Variants in AGBL2 observed in about 807,000 individuals in gnomAD.
AGBL2 encodes the protein cytosolic carboxypeptidase 2.
AGBL2 carries 87 observed loss-of-function variants against 103.0 expected under a neutral mutation model. The observed-to-expected ratio is 0.84, with a 90% CI of 0.71 to 1.01. The LOEUF (loss-of-function observed/expected upper bound fraction) is 1.01, where lower values mean the gene tolerates loss of function less well. Ranked by LOEUF, AGBL2 falls within the 50% of genes least tolerant of loss-of-function variation. AGBL2 has a pLI of 0.00. For missense variants in AGBL2, 904 were observed against 1,023.5 expected (o/e 0.88, Z 1.59); for synonymous variants, 335 against 356.7 (o/e 0.94, Z 0.69).
intron 7 of AGBL2, among the ~76,000 whole-genome samples, chr11:47,701,869 G>C (rs1049649128): frequency 6.6e-6 from 1 of 151,784 alleles, no homozygotes; most frequent in Non-Finnish European, 1.5e-5. Flanking sequence ...AGCTACTTGG[G>C]AGGCTGTGGC....
intron 3 of AGBL2, among the ~76,000 whole-genome samples, chr11:47,711,921 A>G (rs536645706): frequency 6.6e-6 from 1 of 152,200 alleles, no homozygotes; most frequent in East Asian, 1.9e-4. Context: ...TACAAAAAAA[A>G]TTTTTAAATT....
In AGBL2 at chr11:47,685,996, C is replaced by A; in HGVS notation, c.1685G>T (p.Arg562Leu). The A allele has an allele frequency of 6.2e-7, 1 of 1,613,926 alleles. No homozygotes were observed. Among genetic ancestry groups the A allele is most frequent in the Non-Finnish European group, 8.5e-7 (1 of 1,179,904 alleles). ...LLYCDFHGHS[R>L]KNNIFLYGCN... ...GCCATACAGGAAGATATTATTCTTA[C>A]GACTGTGGCCATGGAAATCACAATA... The change falls in exon 11 of 19, where the codon CGT (arginine) becomes CTT (leucine). Residue 562 changes from arginine (R) to leucine (L), a missense_variant. Transcript: ENST00000525123.
At chr11:47,710,251 G>C in intron 4 of AGBL2, 126 bp downstream of exon 4, 1 of 1,098,230 alleles carries the variant, frequency 9.1e-7, no homozygotes, top group Non-Finnish European at 1.3e-6. Flanking sequence ...AGTTTTGAAT[G>C]GTGTTAGAAA....
At chr11:47,672,135 G>A (rs1476858937) in intron 14 of AGBL2, among the ~76,000 whole-genome samples, 1 of 152,040 alleles carries the variant, frequency 6.6e-6, no homozygotes, top group African/African-American at 2.4e-5. Flanking sequence ...TTAAAAAATA[G>A]AAATGGGATC....
chr11:47,695,930 G>A (rs1397891567), intron 8 of AGBL2, among the ~76,000 whole-genome samples: 1 of 147,642 alleles, frequency 6.8e-6, no homozygotes, highest in African/African-American at 2.5e-5. Flanking sequence ...TGTGGGAGGC[G>A]GAGGCAGGTG....
chr11:47,708,046 T>C (rs1599102869), intron 4 of AGBL2, among the ~76,000 whole-genome samples: 1 of 151,800 alleles, frequency 6.6e-6, no homozygotes, highest in Admixed American at 6.6e-5. Flanking sequence ...ACTACAGCCA[T>C]TTGCCACCAT....
intron 17 of AGBL2, among the ~76,000 whole-genome samples, chr11:47,666,215 G>A (rs763603168): frequency 1.3e-5 from 2 of 151,388 alleles, no homozygotes; most frequent in Non-Finnish European, 2.9e-5. Context: ...GCAACATGTC[G>A]AAACCCTGTC....
chr11:47,710,969 G>A, intron 3 of AGBL2: 1 of 392,630 alleles, frequency 2.5e-6, no homozygotes. Flanking sequence ...TTGGCATACT[G>A]AACACTTTGA....
At position 47,690,503 on chromosome 11, in the gene AGBL2, C is replaced by A. The variant is rs772250171; in HGVS notation, c.1204G>T (p.Asp402Tyr). 1 of 1,614,124 alleles carries A rather than the reference C, an allele frequency of 6.2e-7. No individual in the cohort carries two copies. The highest frequency in any genetic ancestry group is 8.5e-7 in the Non-Finnish European group (1 of 1,180,032). The change falls in exon 10 of 19, where the codon GAT becomes TAT. Residue 402 changes from aspartate to tyrosine, a missense_variant. By Grantham distance (160) the Asp-to-Tyr change is radical. Coordinates refer to ENST00000525123, the MANE Select transcript of AGBL2 (RefSeq NM_024783.4). ...ACTGACAGGAGGTAGCATTGCAAAT[C>A]AGTGTATGTATATGGGTAGAAGTGT... ...FAHFYPYTYT[D>Y]LQCYLLSVAN...
Position 47,712,664 on chromosome 11 carries a change from G to C in AGBL2, c.97+1620C>G, listed in dbSNP as rs2097539054. ...CACGCCTGTAATCCCAGCACTTTGGGAGGCCAAGGTGGGTGGATCACCTTA... is the reference window on the plus strand; with the variant it reads ...CACGCCTGTAATCCCAGCACTTTGGCAGGCCAAGGTGGGTGGATCACCTTA... On this transcript the variant is annotated intron_variant, in intron 3 of 18. Coordinates refer to ENST00000525123, the MANE Select transcript of AGBL2 (RefSeq NM_024783.4). Among the ~76,000 whole-genome samples the C allele has an allele frequency of 2.0e-5, 3 of 152,200 alleles. No individual in the cohort carries two copies. The South Asian group carries it at 6.2e-4, about 31-fold the overall frequency.
chr11:47,701,986 A>G (rs77765069), intron 7 of AGBL2, among the ~76,000 whole-genome samples: 4 of 151,158 alleles, frequency 2.6e-5, no homozygotes, highest in Non-Finnish European at 5.9e-5. Context: ...AAAAAAAAAA[A>G]AAAAAAGAAA....
chr11:47,692,687 C>T (rs2097452727), intron 8 of AGBL2, among the ~76,000 whole-genome samples: 1 of 152,028 alleles, frequency 6.6e-6, no homozygotes, highest in Non-Finnish European at 1.5e-5. Context: ...GCTGGGATTA[C>T]AGGTGTGAGC....
In AGBL2 at chr11:47,660,207, GC is replaced by G; in HGVS notation, c.2674del (p.Ala892HisfsTer13). On this transcript the variant is annotated frameshift_variant, in exon 19 of 19. Transcript: ENST00000525123. LOFTEE classifies it high-confidence loss of function. The stretch of plus-strand genomic sequence containing the variant: ...TGTGTATATGTGCAAGGATGGGTAT[GC>G]CGCCATGGCAGCACAGCCTCTCTTT... ...ATKRGCAAMA[A>X]YPSLHIYTYP 1 of 1,614,160 alleles carries G rather than the reference GC, an allele frequency of 6.2e-7. No homozygotes were observed. The highest frequency in any genetic ancestry group is 8.5e-7 in the Non-Finnish European group (1 of 1,180,026).
chr11:47,695,429 C>T (rs1363499051), intron 8 of AGBL2, among the ~76,000 whole-genome samples: 1 of 141,360 alleles, frequency 7.1e-6, no homozygotes, highest in African/African-American at 2.6e-5. Flanking sequence ...GAGCCGAAAT[C>T]ACACCACTGC....
chr11:47,678,325 A>ATTTTTTTTT (rs1228331674), intron 13 of AGBL2, among the ~76,000 whole-genome samples: 1 of 116,048 alleles, frequency 8.6e-6, no homozygotes, highest in Admixed American at 9.1e-5. Context: ...ATTTTATTTT[A>ATTTTTTTTT]TTTTATTTTA....
intron 8 of AGBL2, among the ~76,000 whole-genome samples, chr11:47,698,056 T>G (rs1054310310): frequency 1.1e-4 from 17 of 151,750 alleles, no homozygotes; most frequent in African/African-American, 3.9e-4. Context: ...GAGACAGAGT[T>G]TCACCATGTT....
chr11:47,672,368 G>A (rs1382036832), intron 14 of AGBL2, among the ~76,000 whole-genome samples: 2 of 151,852 alleles, frequency 1.3e-5, no homozygotes, highest in Non-Finnish European at 2.9e-5. Flanking sequence ...AGGTTGGAGT[G>A]CAGTAGTGCA....
chr11:47,675,375 G>GTTTTTTT (rs34044161), intron 14 of AGBL2, among the ~76,000 whole-genome samples: 1 of 55,100 alleles, frequency 1.8e-5, no homozygotes, highest in Non-Finnish European at 3.0e-5. Context: ...CCCCTGCTAA[G>GTTTTTTT]TTTTTTTTTT....
intron 4 of AGBL2, 50 bp downstream of exon 4, chr11:47,710,327 G>A (rs1291953461): frequency 6.2e-7 from 1 of 1,612,160 alleles, no homozygotes; most frequent in Non-Finnish European, 8.5e-7. Context: ...ACTCAGAGGA[G>A]TTACTAGGCA....
Sources: allele counts gnomAD v4.1 joint callset (sites outside exome capture counted in the v4.1 genomes callset), GRCh38; gene constraint gnomAD v4.1.1; transcripts MANE v1.5; gene names NCBI Gene and HGNC (gene_info 2026-07-23, HGNC 2026-07-21).